Variants in STYXL1 observed in about 807,000 individuals in gnomAD.
STYXL1 encodes serine/threonine/tyrosine-interacting-like protein 1.
STYXL1 carries 32 observed loss-of-function variants against 36.4 expected under a neutral mutation model. The observed-to-expected ratio is 0.88, with a 90% CI of 0.66 to 1.18. STYXL1 has a LOEUF of 1.18. Among genes scored for constraint, STYXL1 ranks in the 50% most tolerant of loss-of-function variants. STYXL1 has a pLI of 0.00. For missense variants in STYXL1, 354 were observed against 394.1 expected (o/e 0.90, Z 0.86); for synonymous variants, 133 against 144.1 (o/e 0.92, Z 0.55).
Position 75,999,493 on chromosome 7 carries a change from G to GTGTA in STYXL1, c.810+1396_810+1397insTACA, listed in dbSNP as rs1209717843. On this transcript the variant is annotated intron_variant, in intron 8 of 8. Coordinates refer to ENST00000359697, the MANE Select transcript of STYXL1 (RefSeq NM_001317785.2). ...TAGTTAAGATGGTAATTTTTTTGTT[G>GTGTA]TGTGTGTGTGTGTGTGTATGTGTGT... 2.5e-3 allele frequency among the ~76,000 whole-genome samples: 158 copies of GTGTA among 62,822 alleles called. 1 individual carries two copies. The highest frequency in any genetic ancestry group is 5.5e-3 in the Middle Eastern group (1 of 182). 41.2% of individuals were successfully genotyped at this position (62,822 alleles called of 152,430 possible).
At chr7:76,016,463 A>G (rs143082930) in intron 4 of STYXL1, among the ~76,000 whole-genome samples, 40 of 151,930 alleles carry the variant, frequency 2.6e-4, no homozygotes, top group African/African-American at 9.4e-4. Context: ...ATATATACAT[A>G]TATACGCATA....
chr7:76,005,847 AG>A (rs1791617241), intron 5 of STYXL1, among the ~76,000 whole-genome samples: 2 of 22,552 alleles, frequency 8.9e-5, no homozygotes, highest in African/African-American at 3.0e-4. Context: ...GAGGAGGAAG[AG>A]AGAGGAGGAG....
chr7:76,040,215 T>C (rs1554581866), intron 1 of STYXL1, among the ~76,000 whole-genome samples: 1 of 152,158 alleles, frequency 6.6e-6, no homozygotes, highest in African/African-American at 2.4e-5. Flanking sequence ...TTTGGCTCAC[T>C]TCCTCCGACT....
At chr7:76,004,724 A>G (rs540439989) in intron 6 of STYXL1, among the ~76,000 whole-genome samples, 11 of 149,870 alleles carry the variant, frequency 7.3e-5, no homozygotes, top group East Asian at 4.0e-4. Flanking sequence ...AAAATAGGCC[A>G]GGCGCGGTGG....
chr7:76,005,289 T>G lies in STYXL1; in HGVS notation c.569A>C (p.His190Pro). 1 of 1,610,484 alleles carries G rather than the reference T, an allele frequency of 6.2e-7. No homozygotes were observed. Among genetic ancestry groups the G allele is most frequent in the Non-Finnish European group, 8.5e-7 (1 of 1,177,378 alleles). ...KIQKDLKIKA[H>P]VNVSMDTGPF... ...CCCTGTATCCATGGAGACATTGACA[T>G]GGGCTTTGATTTTCAAGTCCTTCTG... Residue 190 changes from histidine to proline, a missense_variant, in exon 6 of 9, where the codon CAT becomes CCT. Coordinates refer to ENST00000359697, the MANE Select transcript of STYXL1 (RefSeq NM_001317785.2).
At chr7:76,017,917 C>CCTA (rs1554574550) in intron 4 of STYXL1, among the ~76,000 whole-genome samples, 1 of 117,088 alleles carries the variant, frequency 8.5e-6, no homozygotes, top group Non-Finnish European at 1.9e-5. Context: ...CTACCTACTA[C>CCTA]CTATTGGGTT....
Position 75,996,585 on chromosome 7 carries a change from A to G in STYXL1, c.825T>C (p.Tyr275=), listed in dbSNP as rs781796418. Residue 275 remains tyrosine, a synonymous_variant, in exon 9 of 9, where the codon TAT becomes TAC. Transcript: ENST00000359697. Reference sequence around the variant, plus strand: ...ACATGTTGTTTTTGCACTTCTTGACATAGGCCCAGGACCTCTATGAATACA... The same window carrying G: ...ACATGTTGTTTTTGCACTTCTTGACGTAGGCCCAGGACCTCTATGAATACA... ...NEQTLQRSWA[Y]VKKCKNNMCP... is the part of the protein sequence containing the mutation. The G allele has an allele frequency of 2.5e-6, 4 of 1,614,236 alleles. 1 individual carries two copies. Among genetic ancestry groups the G allele is most frequent in the South Asian group, 1.1e-5 (1 of 91,090 alleles).
intron 7 of STYXL1, among the ~76,000 whole-genome samples, chr7:76,003,304 C>A (rs550247603): frequency 4.1e-4 from 63 of 152,330 alleles, no homozygotes; most frequent in African/African-American, 1.4e-3. Flanking sequence ...CAAAGAAAAT[C>A]TTGGAAGTCA....
chr7:76,009,204 G>C lies in STYXL1; in HGVS notation c.454-3800C>G, dbSNP rs546250428. Among the ~76,000 whole-genome samples the C allele has an allele frequency of 2.0e-5, 3 of 152,186 alleles. No homozygotes were observed. In the South Asian group the frequency reaches 6.2e-4, roughly 32 times the overall value. On this transcript the variant is annotated intron_variant, in intron 5 of 8. Coordinates refer to ENST00000359697, the MANE Select transcript of STYXL1 (RefSeq NM_001317785.2). ...CAGTGACACAATGCAAACGAAACCA[G>C]TATCTCAAATGAATATGCCCGAACT...
intron 1 of STYXL1, among the ~76,000 whole-genome samples, chr7:76,033,412 C>T (rs368837035): frequency 6.6e-5 from 10 of 152,140 alleles, no homozygotes; most frequent in Admixed American, 3.3e-4. Flanking sequence ...TCCCAAAGTG[C>T]TGGCATGACA....
intron 8 of STYXL1, among the ~76,000 whole-genome samples, chr7:75,997,803 T>C (rs1790320876): frequency 6.6e-6 from 1 of 152,184 alleles, no homozygotes; most frequent in South Asian, 2.1e-4. Flanking sequence ...ATTAGTTGCA[T>C]GTCTATATAC....
At chr7:76,003,674 G>A (rs1791269297) in intron 7 of STYXL1, 84 bp downstream of exon 7, 3 of 1,265,540 alleles carry the variant, frequency 2.4e-6, no homozygotes, top group Non-Finnish European at 2.3e-6. Context: ...TCACGGTCCA[G>A]AATAAGCCTG....
intron 5 of STYXL1, among the ~76,000 whole-genome samples, chr7:76,012,112 C>T (rs1554572384): frequency 1.3e-5 from 2 of 152,032 alleles, no homozygotes; most frequent in African/African-American, 4.8e-5. Flanking sequence ...CCAGCCTGAC[C>T]AACATGGTGA....
chr7:75,997,328 G>T (rs1790249320), intron 8 of STYXL1, among the ~76,000 whole-genome samples: 1 of 152,174 alleles, frequency 6.6e-6, no homozygotes, highest in Admixed American at 6.5e-5. Context: ...CAGCTACTTG[G>T]GTGGCTGAGG....
At chr7:76,040,016 A>G (rs1796332568) in intron 1 of STYXL1, among the ~76,000 whole-genome samples, 1 of 152,130 alleles carries the variant, frequency 6.6e-6, no homozygotes, top group Non-Finnish European at 1.5e-5. Flanking sequence ...AGCCGTCCAC[A>G]TCCCTGCTCC....
chr7:76,026,520 A>G (rs79864016), intron 3 of STYXL1, among the ~76,000 whole-genome samples: 28,234 of 152,018 alleles, frequency 0.19, 2,935 homozygotes, highest in East Asian at 0.29. Context: ...GGACTCAAGC[A>G]ATCCTCCTGC....
chr7:76,003,899 G>A (rs782056660), intron 6 of STYXL1, 44 bp from the exon 7 acceptor site: 4 of 1,571,388 alleles, frequency 2.5e-6, no homozygotes, highest in East Asian at 2.2e-5. Flanking sequence ...AATGCAGAAT[G>A]CAGGCATCCC....
At chr7:76,030,300 A>C (rs529944924) in intron 2 of STYXL1, 121 bp downstream of exon 2, 339 of 589,750 alleles carry the variant, frequency 5.7e-4, no homozygotes, top group East Asian at 7.4e-4. Flanking sequence ...CACCCAGCCC[A>C]GGGATCCCTG....
chr7:76,047,069 G>C (rs1291534214), intron 1 of STYXL1, among the ~76,000 whole-genome samples: 1 of 145,012 alleles, frequency 6.9e-6, no homozygotes, highest in Admixed American at 6.9e-5. Flanking sequence ...AGACCAGCCT[G>C]ACCAACGTGG....
Sources: allele counts gnomAD v4.1 joint callset (sites outside exome capture counted in the v4.1 genomes callset), GRCh38; gene constraint gnomAD v4.1.1; transcripts MANE v1.5; gene names NCBI Gene and HGNC (gene_info 2026-07-23, HGNC 2026-07-21).